UNC5C: variants seen among roughly 807,000 people sequenced by gnomAD.
UNC5C encodes netrin receptor UNC5C.
Under a neutral mutation model 99.8 loss-of-function variants are expected in UNC5C, and 47 were observed. That is an observed-to-expected ratio of 0.47 (90% CI 0.37 to 0.60). The LOEUF (loss-of-function observed/expected upper bound fraction) is 0.60, where lower values mean the gene tolerates loss of function less well. Among genes scored for constraint, UNC5C ranks in the 20% least tolerant of loss-of-function variants. The probability of loss-of-function intolerance (pLI) is 0.00; values close to 1 mark genes in which losing one functional copy is unlikely to be tolerated. For synonymous variants in UNC5C, 487 were observed against 452.2 expected, an observed-to-expected ratio of 1.08 and a Z score of -0.98; for missense variants, 1,062 against 1,165.9, an observed-to-expected ratio of 0.91 and a Z score of 1.30.
chr4:95,394,240 A>T (rs1050963468), intron 1 of UNC5C, among the ~76,000 whole-genome samples: 18 of 151,092 alleles, frequency 1.2e-4, no homozygotes, highest in Admixed American at 1.1e-3. Flanking sequence ...CACTTCTGAA[A>T]CTTTAATAGT....
At chr4:95,334,395 G>C (rs909535823) in intron 2 of UNC5C, among the ~76,000 whole-genome samples, 14 of 151,854 alleles carry the variant, frequency 9.2e-5, no homozygotes, top group Non-Finnish European at 2.1e-4. Context: ...ATATTTAAAT[G>C]CTTCAATTTT....
At chr4:95,472,810 G>A (rs549724232) in intron 1 of UNC5C, among the ~76,000 whole-genome samples, 7 of 151,916 alleles carry the variant, frequency 4.6e-5, no homozygotes, top group African/African-American at 1.7e-4. Flanking sequence ...TTTGCATAAG[G>A]CACAATGTAG....
chr4:95,519,862 T>C (rs1056805694), intron 1 of UNC5C, among the ~76,000 whole-genome samples: 5 of 152,222 alleles, frequency 3.3e-5, no homozygotes, highest in Non-Finnish European at 7.3e-5. Flanking sequence ...CCTGCATCTT[T>C]AATAGAGATG....
intron 1 of UNC5C, among the ~76,000 whole-genome samples, chr4:95,371,432 GGGA>G (rs59808232): frequency 0.59 from 79,716 of 133,984 alleles, 23,932 homozygotes; most frequent in African/African-American, 0.73. Flanking sequence ...GTGGGGGGGG[GGGA>G]GTATCAAATG....
chr4:95,422,162 T>C (rs545188601), intron 1 of UNC5C, among the ~76,000 whole-genome samples: 1 of 152,324 alleles, frequency 6.6e-6, no homozygotes, highest in South Asian at 2.1e-4. Flanking sequence ...CGTTACTCGT[T>C]TAGGTAGGCA....
At chr4:95,491,959 G>A (rs2149481614) in intron 1 of UNC5C, among the ~76,000 whole-genome samples, 1 of 151,548 alleles carries the variant, frequency 6.6e-6, no homozygotes, top group Non-Finnish European at 1.5e-5. Context: ...TGTAAAACAT[G>A]GGAAATATAC....
rs1018982909 is a variant in UNC5C, at chr4:95,163,022, A to G, written c.*6212T>C. 3.9e-5 allele frequency: 6 copies of G among 152,198 alleles called. No homozygotes were observed. The highest frequency in any genetic ancestry group is 7.3e-5 in the Non-Finnish European group (5 of 68,050). The allele number at this position is 152,198 out of a possible 1,614,324, so 9.4% of individuals were successfully genotyped here. On this transcript the variant is annotated 3_prime_UTR_variant, in exon 16 of 16. Transcript: ENST00000453304. ...GAAGGTCACCAACTTGCTTCAGCTC[A>G]ACATTAAACTCAACACATATAACAC... is the stretch of plus-strand genomic sequence containing the variant.
chr4:95,246,537 G>A (rs1002843767), intron 5 of UNC5C, among the ~76,000 whole-genome samples: 77 of 152,064 alleles, frequency 5.1e-4, no homozygotes, highest in African/African-American at 1.6e-3. Flanking sequence ...TCCAGCCTGG[G>A]CAACAGAGTG....
intron 1 of UNC5C, among the ~76,000 whole-genome samples, chr4:95,541,706 C>G (rs111304081): frequency 6.6e-6 from 1 of 151,646 alleles, no homozygotes; most frequent in East Asian, 1.9e-4. Context: ...GGATATATTT[C>G]TATTTATGGA....
chr4:95,213,900 C>T (rs2149365331), intron 10 of UNC5C, among the ~76,000 whole-genome samples: 1 of 152,238 alleles, frequency 6.6e-6, no homozygotes, highest in East Asian at 1.9e-4. Flanking sequence ...TGCATTGGTG[C>T]AATGGAGGAG....
chr4:95,351,098 T>C lies in UNC5C; in HGVS notation c.125-15467A>G, dbSNP rs375789435. On this transcript the variant is annotated intron_variant, in intron 1 of 15. Coordinates refer to ENST00000453304, the MANE Select transcript of UNC5C (RefSeq NM_003728.4). ...TGTCATCCCCACCATTTCTCATAAC[T>C]CTTACACATTTCTCAGATATTAGTT... Among the ~76,000 whole-genome samples the C allele has an allele frequency of 3.8e-4, 58 of 152,206 alleles. No individual in the cohort carries two copies. In the Middle Eastern group the frequency reaches 0.01, roughly 27 times the overall value.
intron 2 of UNC5C, among the ~76,000 whole-genome samples, chr4:95,313,334 T>C (rs1742341972): frequency 6.6e-6 from 1 of 152,196 alleles, no homozygotes; most frequent in Non-Finnish European, 1.5e-5. Flanking sequence ...ATGACAGTTT[T>C]GAAAATGACA....
chr4:95,539,169 T>C (rs1458465543), intron 1 of UNC5C, among the ~76,000 whole-genome samples: 1 of 152,134 alleles, frequency 6.6e-6, no homozygotes, highest in East Asian at 1.9e-4. Flanking sequence ...GGTTCATAAA[T>C]GTGAAGAAAG....
intron 2 of UNC5C, among the ~76,000 whole-genome samples, chr4:95,317,957 G>A (rs1186017737): frequency 1.3e-5 from 2 of 152,020 alleles, no homozygotes; most frequent in African/African-American, 2.4e-5. Context: ...GTCCCACAAA[G>A]GATATGTCTA....
At position 95,349,554 on chromosome 4, in the gene UNC5C, A is replaced by AT. The variant is rs532078238; in HGVS notation, c.125-13924dup. ...AAATCCTAGATTATCAGTGATTCCT[A>AT]TTTTTTCTGCTTTTTGAGCTTTTAT... is the stretch of plus-strand genomic sequence containing the variant. On this transcript the variant is annotated intron_variant, in intron 1 of 15. Transcript: ENST00000453304. Among the ~76,000 whole-genome samples the AT allele has an allele frequency of 5.3e-5, 8 of 151,522 alleles. No individual in the cohort carries two copies. In the East Asian group the frequency reaches 1.6e-3, roughly 30 times the overall value.
chr4:95,171,881 C>T (rs913333167), intron 14 of UNC5C, among the ~76,000 whole-genome samples: 3 of 151,996 alleles, frequency 2.0e-5, no homozygotes, highest in African/African-American at 7.3e-5. Context: ...CCTGTTTCTC[C>T]ACATCCTCTC....
chr4:95,337,985 G>A (rs1479828454), intron 1 of UNC5C, among the ~76,000 whole-genome samples: 1 of 151,904 alleles, frequency 6.6e-6, no homozygotes, highest in Non-Finnish European at 1.5e-5. Flanking sequence ...CCTGTTATAG[G>A]CAATATGGCA....
chr4:95,458,779 T>A (rs1363891543), intron 1 of UNC5C, among the ~76,000 whole-genome samples: 1 of 152,044 alleles, frequency 6.6e-6, no homozygotes, highest in Non-Finnish European at 1.5e-5. Flanking sequence ...ACTCTTTTAA[T>A]CCCCATAATG....
At chr4:95,471,733 C>T (rs1747974830) in intron 1 of UNC5C, among the ~76,000 whole-genome samples, 1 of 152,038 alleles carries the variant, frequency 6.6e-6, no homozygotes, top group South Asian at 2.1e-4. Context: ...GAGGGGATGC[C>T]CCTGTTAATT....
Sources: gnomAD v4.1 joint callset for allele counts (sites outside exome capture counted in the v4.1 genomes callset) on GRCh38, gnomAD v4.1.1 for gene constraint, MANE v1.5 for transcripts, NCBI Gene and HGNC (gene_info 2026-07-23, HGNC 2026-07-21) for gene names.